The following PLCL1 variants were observed in gnomAD, a reference collection of about 807,000 sequenced individuals.
PLCL1 encodes phospholipase C like 1 (inactive).
In PLCL1, 41 loss-of-function variants were observed where a neutral mutation model predicts 84.4. The ratio of observed to expected loss-of-function variants is 0.49; its 90% CI spans 0.38 to 0.63. PLCL1 has a LOEUF of 0.63. Among genes scored for constraint, PLCL1 ranks in the 30% least tolerant of loss-of-function variants. The probability of loss-of-function intolerance (pLI) is 0.00; values close to 1 mark genes in which losing one functional copy is unlikely to be tolerated. For missense variants in PLCL1, 1,206 were observed against 1,367.8 expected (o/e 0.88, Z 1.87); for synonymous variants, 490 against 488.3 (o/e 1.00, Z -0.05).
chr2:198,003,549 T>C (rs1382273479), intron 1 of PLCL1, among the ~76,000 whole-genome samples: 1 of 152,256 alleles, frequency 6.6e-6, no homozygotes, highest in Admixed American at 6.5e-5. Context: ...TTCTAGCTTT[T>C]AGACCTTCTA....
At chr2:197,870,500 G>T (rs1253998679) in intron 1 of PLCL1, among the ~76,000 whole-genome samples, 10 of 152,006 alleles carry the variant, frequency 6.6e-5, no homozygotes, top group Non-Finnish European at 1.0e-4. Flanking sequence ...TTCTTCCTGG[G>T]TGAGTCTGAT....
intron 1 of PLCL1, among the ~76,000 whole-genome samples, chr2:198,031,985 G>A (rs188925348): frequency 1.3e-5 from 2 of 152,098 alleles, no homozygotes; most frequent in African/African-American, 4.8e-5. Flanking sequence ...CATTTGTTGG[G>A]CATGTAGAAT....
At chr2:197,814,540 C>T (rs1690650769) in intron 1 of PLCL1, among the ~76,000 whole-genome samples, 1 of 152,156 alleles carries the variant, frequency 6.6e-6, no homozygotes, top group Non-Finnish European at 1.5e-5. Flanking sequence ...CAGTTAATAA[C>T]CCTATAATGG....
At chr2:197,807,265 A>G (rs1217659853) in intron 1 of PLCL1, among the ~76,000 whole-genome samples, 8 of 152,212 alleles carry the variant, frequency 5.3e-5, no homozygotes, top group Non-Finnish European at 1.2e-4. Flanking sequence ...TTTCTTATGT[A>G]TGCTTCCAAA....
At chr2:197,941,450 C>G (rs991725649) in intron 1 of PLCL1, among the ~76,000 whole-genome samples, 4 of 152,044 alleles carry the variant, frequency 2.6e-5, no homozygotes, top group Non-Finnish European at 5.9e-5. Context: ...TGATATCATG[C>G]CCAGATAATT....
intron 5 of PLCL1, among the ~76,000 whole-genome samples, chr2:198,134,555 G>T (rs1359931892): frequency 6.6e-6 from 1 of 152,142 alleles, no homozygotes; most frequent in Non-Finnish European, 1.5e-5. Flanking sequence ...TAGAAGGGTG[G>T]CTACAAGGCT....
At chr2:197,843,801 C>A (rs1203069407) in intron 1 of PLCL1, among the ~76,000 whole-genome samples, 1 of 152,160 alleles carries the variant, frequency 6.6e-6, no homozygotes, top group African/African-American at 2.4e-5. Context: ...TAGAAACTTA[C>A]TCTTATTGCA....
At chr2:197,866,655 C>G (rs1284757787) in intron 1 of PLCL1, among the ~76,000 whole-genome samples, 1 of 152,098 alleles carries the variant, frequency 6.6e-6, no homozygotes, top group South Asian at 2.1e-4. Flanking sequence ...ACTCCAGCTC[C>G]CTCACCCTCA....
intron 1 of PLCL1, among the ~76,000 whole-genome samples, chr2:197,843,127 A>G (rs547145087): frequency 1.3e-5 from 2 of 152,230 alleles, no homozygotes; most frequent in Admixed American, 1.3e-4. Context: ...ATCTTATATG[A>G]CTGTTCTGCT....
chr2:197,971,218 A>G (rs1272069038), intron 1 of PLCL1, among the ~76,000 whole-genome samples: 1 of 152,224 alleles, frequency 6.6e-6, no homozygotes, highest in African/African-American at 2.4e-5. Flanking sequence ...CTACAAACCA[A>G]AAGGAAACAG....
intron 1 of PLCL1, among the ~76,000 whole-genome samples, chr2:197,975,382 C>A (rs976683215): frequency 5.3e-5 from 8 of 152,158 alleles, no homozygotes; most frequent in African/African-American, 1.7e-4. Flanking sequence ...AAAGCATCTA[C>A]AATTTTCATT....
chr2:197,967,976 C>A (rs1381844668), intron 1 of PLCL1, among the ~76,000 whole-genome samples: 1 of 152,156 alleles, frequency 6.6e-6, no homozygotes, highest in Admixed American at 6.5e-5. Context: ...CTTCTAGTAG[C>A]TTCCCCCTGG....
chr2:198,086,976 A>G (rs1197812212), intron 2 of PLCL1, among the ~76,000 whole-genome samples: 1 of 152,212 alleles, frequency 6.6e-6, no homozygotes, highest in South Asian at 2.1e-4. Flanking sequence ...CATAATGTCT[A>G]TTAGGTTACT....
intron 1 of PLCL1, among the ~76,000 whole-genome samples, chr2:198,050,464 TATC>T (rs1029904675): frequency 3.9e-5 from 6 of 151,988 alleles, no homozygotes; most frequent in Non-Finnish European, 2.9e-5. Context: ...ACAAAGAAGA[TATC>T]ATCTATTTGA....
At chr2:197,897,108 CTTCT>C (rs1559038441) in intron 1 of PLCL1, among the ~76,000 whole-genome samples, 84 of 36,898 alleles carry the variant, frequency 2.3e-3, no homozygotes, top group African/African-American at 0.013. Flanking sequence ...CCTTCTTCTT[CTTCT>C]TCTTCTTCTT....
chr2:198,000,924 G>C (rs1231164485), intron 1 of PLCL1, among the ~76,000 whole-genome samples: 4 of 152,086 alleles, frequency 2.6e-5, no homozygotes, highest in African/African-American at 9.7e-5. Context: ...CTGTTAACGA[G>C]TCATCATGAC....
intron 5 of PLCL1, among the ~76,000 whole-genome samples, chr2:198,104,195 C>G (rs1693414291): frequency 6.6e-6 from 1 of 151,928 alleles, no homozygotes; most frequent in South Asian, 2.1e-4. Flanking sequence ...TCCTCCCACC[C>G]TCCATCCTCA....
chr2:197,845,779 C>A (rs1045965397), intron 1 of PLCL1, among the ~76,000 whole-genome samples: 1 of 152,006 alleles, frequency 6.6e-6, no homozygotes, highest in Non-Finnish European at 1.5e-5. Flanking sequence ...AAAGGATTCC[C>A]CCCAAATGTA....
chr2:197,926,757 C>T (rs982528371), intron 1 of PLCL1, among the ~76,000 whole-genome samples: 11 of 152,148 alleles, frequency 7.2e-5, no homozygotes, highest in African/African-American at 2.4e-4. Context: ...AAACAAGCCA[C>T]CCAAAACTTA....
Sources: allele counts gnomAD v4.1 joint callset (sites outside exome capture counted in the v4.1 genomes callset), GRCh38; gene constraint gnomAD v4.1.1; transcripts MANE v1.5; gene names NCBI Gene and HGNC (gene_info 2026-07-23, HGNC 2026-07-21).